The following RXRB variants were observed in gnomAD, a reference collection of about 807,000 sequenced individuals.
The protein encoded by RXRB is retinoid X receptor beta.
A neutral mutation model predicts 52.5 loss-of-function variants in RXRB; 18 were observed. The observed-to-expected ratio is 0.34, with a 90% confidence interval of 0.24 to 0.51. The LOEUF (loss-of-function observed/expected upper bound fraction) is 0.51. Among genes scored for constraint, RXRB ranks in the 20% least tolerant of loss-of-function variants. The pLI is 0.97. For missense variants in RXRB, 455 were observed against 698.2 expected, an observed-to-expected ratio of 0.65 and a Z score of 3.92; for synonymous variants, 233 against 267.1, an observed-to-expected ratio of 0.87 and a Z score of 1.25.
rs1244651181 is a variant in RXRB, at chr6:33,196,250, G to A, written c.993+184C>T. Reference sequence around the variant, plus strand: ...TCTGCCAGTGGGTTGTTTGGGGAGTGGAGACAGAAGGAGCTATCACATCCA... The same window carrying A: ...TCTGCCAGTGGGTTGTTTGGGGAGTAGAGACAGAAGGAGCTATCACATCCA... On this transcript the variant is annotated intron_variant, in intron 5 of 9. Transcript: ENST00000374680. This position sits in a 1 kb window ranked among gnomAD's most constrained non-coding sequence, Gnocchi z 4.0. The A allele has an allele frequency of 3.3e-6, 3 of 904,792 alleles. No individual in the cohort carries two copies. Among genetic ancestry groups the A allele is most frequent in the Non-Finnish European group, 5.4e-6 (3 of 555,770 alleles). The allele number at this position is 904,792 out of a possible 1,614,324, so 56.0% of individuals were successfully genotyped here.
chr6:33,194,865 G>A lies in RXRB; in HGVS notation c.1455-36C>T. On this transcript the variant is annotated intron_variant, in intron 9 of 9. Coordinates refer to ENST00000374680, the MANE Select transcript of RXRB (RefSeq NM_021976.5). This position sits in a 1 kb window ranked among gnomAD's most constrained non-coding sequence, Gnocchi z 4.1. ...GGTGGGAGAAGGGGATTGAGAGCTG[G>A]AAGCACACGGGCCCTGAACACATCC... 6.2e-7 allele frequency: 1 copy of A among 1,612,350 alleles called. No homozygotes were observed. The highest frequency in any genetic ancestry group is 8.5e-7 in the Non-Finnish European group (1 of 1,179,662).
rs769331735 is a variant in RXRB at position 33,200,263 on chromosome 6, C to T, written c.214G>A (p.Gly72Arg). ...EPEPGEAGRD[G>R]MGDSGRDSRS... ...TCACCCCGCCCGCTGTCGCCCATCCCGTCCCGTCCAGCCTCCCCTGGCTCC... is the reference window on the plus strand; with the variant it reads ...TCACCCCGCCCGCTGTCGCCCATCCTGTCCCGTCCAGCCTCCCCTGGCTCC... Residue 72 changes from glycine to arginine, a missense_variant, in exon 1 of 10, where the codon GGG becomes AGG. Transcript: ENST00000374680. The surrounding 1 kb of genome is among the most constrained non-coding windows in gnomAD (Gnocchi z 6.3). 6.2e-6 allele frequency: 10 copies of T among 1,607,454 alleles called. No individual in the cohort carries two copies. Among genetic ancestry groups the T allele is most frequent in the Non-Finnish European group, 8.5e-6 (10 of 1,178,814 alleles).
In RXRB at chr6:33,194,847, G is replaced by A; in HGVS notation, c.1455-18C>T. On this transcript the variant is annotated intron_variant, in intron 9 of 9. Transcript: ENST00000374680. The surrounding 1 kb of genome is among the most constrained non-coding windows in gnomAD (Gnocchi z 4.1). ...TGGCAAACCTGGGGTGGAGGTGGGA[G>A]AAGGGGATTGAGAGCTGGAAGCACA... The A allele has an allele frequency of 6.2e-7, 1 of 1,612,622 alleles. No homozygotes were observed. Among genetic ancestry groups the A allele is most frequent in the Non-Finnish European group, 8.5e-7 (1 of 1,179,826 alleles).
Position 33,200,622 on chromosome 6 carries a change from CA to C in RXRB, c.-147del, listed in dbSNP as rs1423096959. 8 of 1,508,018 alleles carry C rather than the reference CA, an allele frequency of 5.3e-6. No individual in the cohort carries two copies. The Admixed American group carries it at 1.7e-4, about 31-fold the overall frequency. 93.4% of individuals were successfully genotyped at this position (1,508,018 alleles called of 1,614,324 possible). ...TTAAGCCCGTCGCTCTGCTCAGTAC[CA>C]AAATGACAGCGCCAATGTGGCAGCC... On this transcript the variant is annotated 5_prime_UTR_variant, in exon 1 of 10. The change abolishes the stop of an existing upstream ORF in the 5' untranslated region. Coordinates refer to ENST00000374680, the MANE Select transcript of RXRB (RefSeq NM_021976.5). This position sits in a 1 kb window ranked among gnomAD's most constrained non-coding sequence, Gnocchi z 6.3.
Position 33,199,350 on chromosome 6 carries a change from G to A in RXRB, c.302C>T (p.Pro101Leu). The change falls in exon 2 of 10, where the codon CCT (proline) becomes CTT (leucine). Residue 101 changes from proline to leucine, a missense_variant. Around this residue, in one of 4 missense-constraint regions of RXRB, gnomAD observed 225 missense variants for 258.6 expected, o/e 0.87. Transcript: ENST00000374680. ...TGTTGAAGGGGGTAGGGGTGGCCCA[G>A]GAGGAGAAGGGGGAGGGACTCCCTG... ...LPQGVPPPSP[P>L]GPPLPPSTAP... 8.9e-6 allele frequency: 11 copies of A among 1,231,990 alleles called. No individual in the cohort carries two copies. Among genetic ancestry groups the A allele is most frequent in the Non-Finnish European group, 1.1e-5 (11 of 973,260 alleles). 76.3% of individuals were successfully genotyped at this position (1,231,990 alleles called of 1,614,324 possible).
Position 33,195,419 on chromosome 6 carries a change from A to G in RXRB, c.1292T>C (p.Met431Thr), listed in dbSNP as rs749903114. The change falls in exon 8 of 10, where the codon ATG (methionine) becomes ACG (threonine). Residue 431 changes from methionine to threonine, a missense_variant. By Grantham distance (81) the Met-to-Thr change is moderately conservative. This residue lies in a region of RXRB where 115 missense variants were observed against 253.1 expected (regional missense o/e 0.45). Transcript: ENST00000374680. The surrounding 1 kb of genome is among the most constrained non-coding windows in gnomAD (Gnocchi z 8.6). The stretch of plus-strand genomic sequence containing the variant: ...GCCAAGCTCTGTCTTGTCCATCCTC[A>G]TGTCACGCATTTTGGACACTAGCTC... ...LTELVSKMRD[M>T]RMDKTELGCL... 6.2e-7 allele frequency: 1 copy of G among 1,612,852 alleles called. No individual in the cohort carries two copies.
At position 33,195,821 on chromosome 6, in the gene RXRB, A is replaced by G; in HGVS notation, c.1123+86T>C. 5 of 1,602,240 alleles carry G rather than the reference A, an allele frequency of 3.1e-6. No individual in the cohort carries two copies. The Admixed American group carries it at 5.0e-5, about 16-fold the overall frequency. On this transcript the variant is annotated intron_variant, in intron 6 of 9. Transcript: ENST00000374680. The surrounding 1 kb of genome is among the most constrained non-coding windows in gnomAD (Gnocchi z 8.6). ...AGCAAGTTTGGCTCCCTGGGTACGCAAGGTAAGGCCACTGGGGTCACTAAA... is the reference window on the plus strand; with the variant it reads ...AGCAAGTTTGGCTCCCTGGGTACGCGAGGTAAGGCCACTGGGGTCACTAAA...
At position 33,195,681 on chromosome 6, in the gene RXRB, G is replaced by A. The variant is rs1773842061; in HGVS notation, c.1145C>T (p.Ala382Val). Residue 382 changes from alanine to valine, a missense_variant, in exon 7 of 10, where the codon GCC (alanine) becomes GTC (valine). Coordinates refer to ENST00000374680, the MANE Select transcript of RXRB (RefSeq NM_021976.5). The surrounding 1 kb of genome is among the most constrained non-coding windows in gnomAD (Gnocchi z 8.6). ...LRAGWNELLI[A>V]SFSHRSIDVR... ...ATCAATGGATCGGTGTGAGAAGGAG[G>A]CAATGAGGAGTTCATTCCAGCCTGG... 1 of 1,612,572 alleles carries A rather than the reference G, an allele frequency of 6.2e-7. No individual in the cohort carries two copies.
Position 33,196,670 on chromosome 6 carries a change from A to T in RXRB, c.821-64T>A, listed in dbSNP as rs554553324. Reference sequence around the variant, plus strand: ...CAGCCAGCCATGAAGGGGTTCCACAAATATCCTTACGGCCTCATCAGGATC... The same window carrying T: ...CAGCCAGCCATGAAGGGGTTCCACATATATCCTTACGGCCTCATCAGGATC... On this transcript the variant is annotated intron_variant, in intron 4 of 9. Transcript: ENST00000374680. The surrounding 1 kb of genome is among the most constrained non-coding windows in gnomAD (Gnocchi z 4.0). 2 of 1,404,822 alleles carry T rather than the reference A, an allele frequency of 1.4e-6. No homozygotes were observed. The highest frequency in any genetic ancestry group is 2.0e-6 in the Non-Finnish European group (2 of 1,024,922). The allele number at this position is 1,404,822 out of a possible 1,614,324, so 87.0% of individuals were successfully genotyped here. A position where few individuals can be genotyped will look rare whatever the true frequency, so the allele number is the denominator to read the frequency against.
Position 33,196,245 on chromosome 6 carries a change from G to A in RXRB, c.993+189C>T. 1 of 924,276 alleles carries A rather than the reference G, an allele frequency of 1.1e-6. No homozygotes were observed. The highest frequency in any genetic ancestry group is 1.4e-5 in the South Asian group (1 of 73,816). The allele number at this position is 924,276 out of a possible 1,614,324, so 57.3% of individuals were successfully genotyped here. On this transcript the variant is annotated intron_variant, in intron 5 of 9. Coordinates refer to ENST00000374680, the MANE Select transcript of RXRB (RefSeq NM_021976.5). This position sits in a 1 kb window ranked among gnomAD's most constrained non-coding sequence, Gnocchi z 4.0. ...ATGGTTCTGCCAGTGGGTTGTTTGG[G>A]GAGTGGAGACAGAAGGAGCTATCAC... is the stretch of plus-strand genomic sequence containing the variant.
In RXRB at chr6:33,196,403, C is replaced by G. The variant is rs774805950; in HGVS notation, c.993+31G>C. ...AGACTGCCTCCCCCAACCCCCATCA[C>G]GAAGGAGAGTGGATTGACCCCAACA... On this transcript the variant is annotated intron_variant, in intron 5 of 9. Transcript: ENST00000374680. The surrounding 1 kb of genome is among the most constrained non-coding windows in gnomAD (Gnocchi z 4.0). 1.9e-6 allele frequency: 3 copies of G among 1,608,868 alleles called. No individual in the cohort carries two copies. Among genetic ancestry groups the G allele is most frequent in the Non-Finnish European group, 2.6e-6 (3 of 1,176,448 alleles).
rs1271730227 is a variant in RXRB, at chr6:33,195,245, G to A, written c.1348+118C>T. ...TGTGGGTTTTTCCTCGGCCAGTTGG[G>A]AGATTTCCAGGTTGAGGGTCTTACT... On this transcript the variant is annotated intron_variant, in intron 8 of 9. Transcript: ENST00000374680. This position sits in a 1 kb window ranked among gnomAD's most constrained non-coding sequence, Gnocchi z 8.6. 6.2e-6 allele frequency: 5 copies of A among 811,698 alleles called. No individual in the cohort carries two copies. The highest frequency in any genetic ancestry group is 1.5e-5 in the South Asian group (1 of 67,454). The allele number at this position is 811,698 out of a possible 1,614,324, so 50.3% of individuals were successfully genotyped here. A position where few individuals can be genotyped will look rare whatever the true frequency, so the allele number is the denominator to read the frequency against.
Position 33,197,149 on chromosome 6 carries a change from T to A in RXRB, c.821-543A>T, listed in dbSNP as rs1278717183. Among the ~76,000 whole-genome samples the A allele has an allele frequency of 6.6e-6, 1 of 152,212 alleles. No individual in the cohort carries two copies. Among genetic ancestry groups the A allele is most frequent in the African/African-American group, 2.4e-5 (1 of 41,452 alleles). On this transcript the variant is annotated intron_variant, in intron 4 of 9. Transcript: ENST00000374680. This position sits in a 1 kb window ranked among gnomAD's most constrained non-coding sequence, Gnocchi z 4.4. ...AACAAATAGGCAGTGAAAGGAGCAC[T>A]GGCCTAGGTCTTTGAAGATGTGGGT...
Position 33,196,403 on chromosome 6 carries a change from C to T in RXRB, c.993+31G>A, listed in dbSNP as rs774805950. 6.8e-6 allele frequency: 11 copies of T among 1,608,868 alleles called. No individual in the cohort carries two copies. The highest frequency in any genetic ancestry group is 1.7e-5 in the Admixed American group (1 of 60,004). On this transcript the variant is annotated intron_variant, in intron 5 of 9. Coordinates refer to ENST00000374680, the MANE Select transcript of RXRB (RefSeq NM_021976.5). The surrounding 1 kb of genome is among the most constrained non-coding windows in gnomAD (Gnocchi z 4.0). ...AGACTGCCTCCCCCAACCCCCATCA[C>T]GAAGGAGAGTGGATTGACCCCAACA...
In RXRB at chr6:33,194,667, C is replaced by T; in HGVS notation, c.*15G>A. 10 of 1,611,142 alleles carry T rather than the reference C, an allele frequency of 6.2e-6. No homozygotes were observed. Among genetic ancestry groups the T allele is most frequent in the Non-Finnish European group, 8.5e-6 (10 of 1,178,996 alleles). On this transcript the variant is annotated 3_prime_UTR_variant, in exon 10 of 10. Transcript: ENST00000374680. This position sits in a 1 kb window ranked among gnomAD's most constrained non-coding sequence, Gnocchi z 4.1. ...TGCTCCTCCAGTGTGAGAAGCACCA[C>T]GTCTGGGTCTGAGCTCAGGCCAGTT...
chr6:33,195,121 A>C lies in RXRB; in HGVS notation c.1349-71T>G. ...AAATCAGGATGGCCATGCAGATGTG[A>C]GCCACAGGATGCCCCTTTTGGGCTG... On this transcript the variant is annotated intron_variant, in intron 8 of 9. Transcript: ENST00000374680. The surrounding 1 kb of genome is among the most constrained non-coding windows in gnomAD (Gnocchi z 8.6). 8.7e-7 allele frequency: 1 copy of C among 1,155,452 alleles called. No individual in the cohort carries two copies. Among genetic ancestry groups the C allele is most frequent in the Non-Finnish European group, 1.3e-6 (1 of 769,498 alleles). 71.6% of individuals were successfully genotyped at this position (1,155,452 alleles called of 1,614,324 possible). A position where few individuals can be genotyped will look rare whatever the true frequency, so the allele number is the denominator to read the frequency against.
At position 33,195,750 on chromosome 6, in the gene RXRB, T is replaced by C; in HGVS notation, c.1124-48A>G. On this transcript the variant is annotated intron_variant, in intron 6 of 9. Coordinates refer to ENST00000374680, the MANE Select transcript of RXRB (RefSeq NM_021976.5). This position sits in a 1 kb window ranked among gnomAD's most constrained non-coding sequence, Gnocchi z 8.6. Reference sequence around the variant, plus strand: ...GGAGCCAGAAATCAGGCCAAGGGATTCAAAGCACATCAGTGGAAGAGAAGG... The same window carrying C: ...GGAGCCAGAAATCAGGCCAAGGGATCCAAAGCACATCAGTGGAAGAGAAGG... 1 of 1,605,594 alleles carries C rather than the reference T, an allele frequency of 6.2e-7. No individual in the cohort carries two copies. Among genetic ancestry groups the C allele is most frequent in the East Asian group, 2.2e-5 (1 of 44,830 alleles).
Position 33,200,048 on chromosome 6 carries a change from G to C in RXRB, c.235+194C>G, listed in dbSNP as rs1026819568. 1 of 875,464 alleles carries C rather than the reference G, an allele frequency of 1.1e-6. No homozygotes were observed. The highest frequency in any genetic ancestry group is 1.9e-6 in the Non-Finnish European group (1 of 519,388). The allele number at this position is 875,464 out of a possible 1,614,324, so 54.2% of individuals were successfully genotyped here. ...GTGCCCAAGGCCTCAAGCGGTCACA[G>C]CTAGGAGGGCGGAAGCTCCCCTTCC... On this transcript the variant is annotated intron_variant, in intron 1 of 9. Transcript: ENST00000374680. This position sits in a 1 kb window ranked among gnomAD's most constrained non-coding sequence, Gnocchi z 6.3.
chr6:33,196,687 A>T lies in RXRB; in HGVS notation c.821-81T>A. On this transcript the variant is annotated intron_variant, in intron 4 of 9. Transcript: ENST00000374680. The surrounding 1 kb of genome is among the most constrained non-coding windows in gnomAD (Gnocchi z 4.0). ...GTTCCACAAATATCCTTACGGCCTC[A>T]TCAGGATCTCATGGCCCTTGGGAGA... 1 of 1,243,966 alleles carries T rather than the reference A, an allele frequency of 8.0e-7. No individual in the cohort carries two copies. Among genetic ancestry groups the T allele is most frequent in the Non-Finnish European group, 1.1e-6 (1 of 885,744 alleles). The allele number at this position is 1,243,966 out of a possible 1,614,324, so 77.1% of individuals were successfully genotyped here. A position where few individuals can be genotyped will look rare whatever the true frequency, so the allele number is the denominator to read the frequency against.
Sources: gnomAD v4.1 joint callset for allele counts (sites outside exome capture counted in the v4.1 genomes callset) on GRCh38, gnomAD v4.1.1 for gene constraint, gnomAD v4.1.1 regional missense constraint, Gnocchi (gnomAD v3.1) non-coding constraint, MANE v1.5 for transcripts, NCBI Gene and HGNC (gene_info 2026-07-23, HGNC 2026-07-21) for gene names.